Variants in GAB3 observed in about 807,000 individuals in gnomAD.
GAB3 encodes the protein GRB2 associated binding protein 3.
A neutral mutation model predicts 40.4 loss-of-function variants in GAB3; 12 were observed. The observed-to-expected ratio is 0.30, with a 90% CI of 0.19 to 0.48. The LOEUF is 0.48. Among genes scored for constraint, GAB3 ranks in the 20% least tolerant of loss-of-function variants. The pLI is 0.99. For missense variants in GAB3, 381 were observed against 461.9 expected, an observed-to-expected ratio of 0.82 and a Z score of 1.61; for synonymous variants, 154 against 176.7, an observed-to-expected ratio of 0.87 and a Z score of 1.02.
intron 1 of GAB3, among the ~76,000 whole-genome samples, chrX:154,745,923 G>T (rs1241160040): frequency 3.6e-5 from 4 of 109,911 alleles, no homozygotes; most frequent in African/African-American, 1.3e-4. Context: ...ATGGTGGTGG[G>T]CACCTGTAAT....
At position 154,751,067 on chromosome X, in the gene GAB3, C is replaced by T. The variant is rs782399866; in HGVS notation, c.-42G>A. On this transcript the variant is annotated 5_prime_UTR_variant, in exon 1 of 10. Coordinates refer to ENST00000424127, the MANE Select transcript of GAB3 (RefSeq NM_001081573.3). The stretch of plus-strand genomic sequence containing the variant: ...GCTTCCTCCAGCTGGGCCAGCCGCC[C>T]GCGGCAGAAGGAAGTCGGGCCAAGG... 7.6e-5 allele frequency: 59 copies of T among 774,983 alleles called. No individual in the cohort carries two copies. The highest frequency in any genetic ancestry group is 1.4e-3 in the Middle Eastern group (2 of 1,431). 63.9% of individuals were successfully genotyped at this position (774,983 alleles called of 1,213,427 possible).
rs187222079 is a variant in GAB3, at chrX:154,735,070, A to G, written c.72+15884T>C. ...TATATGAATCAGTATTTCACAGAAA[A>G]AGAAACAGAAATGGCCCCAAACTAT... On this transcript the variant is annotated intron_variant, in intron 1 of 9. Coordinates refer to ENST00000424127, the MANE Select transcript of GAB3 (RefSeq NM_001081573.3). Among the ~76,000 whole-genome samples, 10 of 112,461 alleles carry G rather than the reference A, an allele frequency of 8.9e-5. No homozygotes were observed. In the East Asian group the frequency reaches 2.8e-3, roughly 31 times the overall value.
chrX:154,719,901 A>T (rs1557258369), intron 1 of GAB3, among the ~76,000 whole-genome samples: 1 of 111,708 alleles, frequency 9.0e-6, no homozygotes, highest in Non-Finnish European at 1.9e-5. Context: ...CCATGTCAAA[A>T]GGACTTAGGG....
chrX:154,696,443 T>C (rs1201692630), intron 7 of GAB3, among the ~76,000 whole-genome samples: 2 of 111,133 alleles, frequency 1.8e-5, no homozygotes, highest in Non-Finnish European at 3.8e-5. Context: ...GTCAGAAGCA[T>C]GAGCTGAGTC....
chrX:154,751,010 C>T lies in GAB3; in HGVS notation c.16G>A (p.Ala6Thr). The T allele has an allele frequency of 1.2e-6, 1 of 822,573 alleles. No homozygotes were observed. The highest frequency in any genetic ancestry group is 1.5e-6 in the Non-Finnish European group (1 of 675,987). 67.8% of individuals were successfully genotyped at this position (822,573 alleles called of 1,213,427 possible). ...TTAACGAGCCAGCCGGTGCACACTGCGTCGCCCGCACTCATCGTGGCCGCC... is the reference window on the plus strand; with the variant it reads ...TTAACGAGCCAGCCGGTGCACACTGTGTCGCCCGCACTCATCGTGGCCGCC... The part of the protein sequence containing the change: MSAGD[A>T]VCTGWLVKSP... The change falls in exon 1 of 10, where the codon GCA becomes ACA. Residue 6 changes from alanine (A) to threonine (T), a missense_variant. By Grantham distance (58) the Ala-to-Thr change is moderately conservative (BLOSUM62 0). Coordinates refer to ENST00000424127, the MANE Select transcript of GAB3 (RefSeq NM_001081573.3).
rs781943550 is a variant in GAB3, at chrX:154,697,120, A to C, written c.1427+12T>G. The C allele has an allele frequency of 1.7e-5, 20 of 1,190,139 alleles. 1 individual carries two copies. On this transcript the variant is annotated intron_variant, in intron 7 of 9. Transcript: ENST00000424127. ...TGTGCTGGATGAGGCTCTTTTGAGC[A>C]ATCAGTCTTACCAAGGCACAGTGCG...
At chrX:154,727,722 C>A (rs782250955) in intron 1 of GAB3, among the ~76,000 whole-genome samples, 11 of 112,043 alleles carry the variant, frequency 9.8e-5, no homozygotes, top group Non-Finnish European at 1.9e-4. Flanking sequence ...AGTCTCCAAG[C>A]TGGAACTTAG....
intron 7 of GAB3, 122 bp from the exon 8 acceptor site, chrX:154,696,141 G>A (rs782548838): frequency 1.3e-5 from 5 of 382,236 alleles, no homozygotes; most frequent in Non-Finnish European, 2.3e-5. Flanking sequence ...ACTTCCTTCC[G>A]GCCAAAGCAA....
chrX:154,748,694 T>C (rs1557262321), intron 1 of GAB3, among the ~76,000 whole-genome samples: 1 of 112,246 alleles, frequency 8.9e-6, no homozygotes, highest in African/African-American at 3.2e-5. Flanking sequence ...AACTGAGTTA[T>C]TGTCCTGGTT....
At chrX:154,720,509 C>G (rs1311413610) in intron 1 of GAB3, among the ~76,000 whole-genome samples, 1 of 109,256 alleles carries the variant, frequency 9.2e-6, no homozygotes, top group Non-Finnish European at 1.9e-5. Flanking sequence ...GCCTGTAGTC[C>G]CAGCTACTCG....
chrX:154,678,125 T>G lies in GAB3; in HGVS notation c.*53A>C. 1.7e-6 allele frequency: 1 copy of G among 576,550 alleles called. No homozygotes were observed. Among genetic ancestry groups the G allele is most frequent in the Non-Finnish European group, 2.8e-6 (1 of 352,736 alleles). 47.5% of individuals were successfully genotyped at this position (576,550 alleles called of 1,213,427 possible). A position where few individuals can be genotyped will look rare whatever the true frequency, so the allele number is the denominator to read the frequency against. ...CAAAAAAAAAAAAAAAAGAAAAAAC[T>G]CAAACTGAGCCCCAAGCTTCCCTGT... On this transcript the variant is annotated 3_prime_UTR_variant, in exon 10 of 10. Transcript: ENST00000424127.
chrX:154,713,338 G>A lies in GAB3; in HGVS notation c.465C>T (p.Ser155=). ...TGTTTGGGTCATCTCTTGGCAAAGA[G>A]GAGCTGGCAGCATGGGCGGTAAGAA... is the stretch of plus-strand genomic sequence containing the variant. ...SSLLTAHAAS[S]SLPRDDPNTN... is the part of the protein sequence containing the mutation. Residue 155 remains serine, a synonymous_variant, in exon 3 of 10, where the codon TCC becomes TCT. Coordinates refer to ENST00000424127, the MANE Select transcript of GAB3 (RefSeq NM_001081573.3). The A allele has an allele frequency of 1.7e-6, 2 of 1,210,758 alleles. No individual in the cohort carries two copies. Among genetic ancestry groups the A allele is most frequent in the Non-Finnish European group, 2.2e-6 (2 of 895,199 alleles).
At chrX:154,720,387 TATG>T (rs1443982897) in intron 1 of GAB3, among the ~76,000 whole-genome samples, 6 of 111,429 alleles carry the variant, frequency 5.4e-5, no homozygotes, top group African/African-American at 2.0e-4. Context: ...ATGAGTTCAT[TATG>T]ATATTAGAAA....
chrX:154,692,676 T>G (rs782308133), intron 8 of GAB3, among the ~76,000 whole-genome samples: 1 of 111,616 alleles, frequency 9.0e-6, no homozygotes, highest in Non-Finnish European at 1.9e-5. Flanking sequence ...TAATTCCAGC[T>G]ACTCAGGAGG....
chrX:154,741,608 G>A (rs369772499), intron 1 of GAB3, among the ~76,000 whole-genome samples: 8 of 105,177 alleles, frequency 7.6e-5, no homozygotes, highest in Non-Finnish European at 1.4e-4. Context: ...CCTGGGAGGC[G>A]GAGCTTGCCG....
chrX:154,703,393 C>T (rs782370297), intron 4 of GAB3, among the ~76,000 whole-genome samples: 4 of 111,644 alleles, frequency 3.6e-5, no homozygotes, highest in East Asian at 5.6e-4. Context: ...AGCAAACTAA[C>T]GCAATAACAG....
Position 154,716,497 on chromosome X carries a change from T to C in GAB3, c.73-168A>G, listed in dbSNP as rs148607722. Among the ~76,000 whole-genome samples, 31 of 113,051 alleles carry C rather than the reference T, an allele frequency of 2.7e-4. No individual in the cohort carries two copies. In the East Asian group the frequency reaches 8.3e-3, roughly 30 times the overall value. On this transcript the variant is annotated intron_variant, in intron 1 of 9. Transcript: ENST00000424127. ...CTAGTGCCCATCTTCAAGTCCGCTT[T>C]ATTGGATGATTTTAAGGACGGGTCA...
chrX:154,721,321 C>G (rs1557258647), intron 1 of GAB3, among the ~76,000 whole-genome samples: 1 of 112,256 alleles, frequency 8.9e-6, no homozygotes. Context: ...TTATTTTGCT[C>G]ATGGTTCTGG....
intron 1 of GAB3, among the ~76,000 whole-genome samples, chrX:154,723,972 G>A (rs1162643610): frequency 9.0e-6 from 1 of 111,600 alleles, no homozygotes; most frequent in Non-Finnish European, 1.9e-5. Context: ...GTAAACCCTG[G>A]CCTGTCACCC....
Sources: allele counts gnomAD v4.1 joint callset (sites outside exome capture counted in the v4.1 genomes callset), GRCh38; gene constraint gnomAD v4.1.1; transcripts MANE v1.5; gene names NCBI Gene and HGNC (gene_info 2026-07-23, HGNC 2026-07-21).